PGCKA1: variants seen among roughly 807,000 people sequenced by gnomAD.
PGCKA1 encodes the protein PDCD10 and GCKIII kinases-associated protein 1.
the PGCKA1 span, among the ~76,000 whole-genome samples, chr4:37,572,063 CT>C: frequency 7.2e-3 from 646 of 89,934 alleles, 2 homozygotes; most frequent in African/African-American, 0.029. Context: ...TTTTTTTTTT[CT>C]TTTTTTTTTT....
chr4:37,538,502 C>A, the PGCKA1 span, among the ~76,000 whole-genome samples: 6 of 152,206 alleles, frequency 3.9e-5, no homozygotes, highest in Non-Finnish European at 7.3e-5. Flanking sequence ...CTGGGAAGAG[C>A]TTGTGCTGCA....
At chr4:37,532,516 TA>T in the PGCKA1 span, among the ~76,000 whole-genome samples, 25,802 of 152,214 alleles carry the variant, frequency 0.17, 2,657 homozygotes, top group East Asian at 0.25. Flanking sequence ...TTATTATTTT[TA>T]AAAATACTAT....
the PGCKA1 span, among the ~76,000 whole-genome samples, chr4:37,531,053 CAT>C: frequency 6.6e-6 from 1 of 152,206 alleles, no homozygotes; most frequent in Admixed American, 6.5e-5. Context: ...ACCTGACTGA[CAT>C]ATATGTGTCC....
At chr4:37,570,035 A>C in the PGCKA1 span, among the ~76,000 whole-genome samples, 1 of 141,976 alleles carries the variant, frequency 7.0e-6, no homozygotes, top group Non-Finnish European at 1.5e-5. Context: ...GCTGGAGTAC[A>C]GTGGCGCCAT....
the PGCKA1 span, among the ~76,000 whole-genome samples, chr4:37,541,442 T>C: frequency 6.6e-6 from 1 of 152,214 alleles, no homozygotes; most frequent in South Asian, 2.1e-4. Context: ...GGGACAATGA[T>C]AGACCCTTTA....
At chr4:37,560,696 T>G in the PGCKA1 span, among the ~76,000 whole-genome samples, 1 of 152,078 alleles carries the variant, frequency 6.6e-6, no homozygotes, top group Non-Finnish European at 1.5e-5. Context: ...TCCCTGCATC[T>G]AGAACTGTCT....
the PGCKA1 span, among the ~76,000 whole-genome samples, chr4:37,556,767 C>A: frequency 6.6e-6 from 1 of 152,150 alleles, no homozygotes; most frequent in African/African-American, 2.4e-5. Flanking sequence ...CTTTGCTTTT[C>A]CCTGCTAGAG....
the PGCKA1 span, among the ~76,000 whole-genome samples, chr4:37,534,100 A>G: frequency 6.6e-6 from 1 of 152,340 alleles, no homozygotes; most frequent in African/African-American, 2.4e-5. Flanking sequence ...AGGAAGCAAG[A>G]TGAAATAGGT....
At chr4:37,548,522 T>C in the PGCKA1 span, among the ~76,000 whole-genome samples, 1 of 152,048 alleles carries the variant, frequency 6.6e-6, no homozygotes, top group Non-Finnish European at 1.5e-5. Flanking sequence ...ACCTGCTCTT[T>C]AACAAAAATT....
At chr4:37,556,486 C>A in the PGCKA1 span, among the ~76,000 whole-genome samples, 1 of 152,114 alleles carries the variant, frequency 6.6e-6, no homozygotes, top group Non-Finnish European at 1.5e-5. Context: ...CCAGGCTGGT[C>A]TCGAACTCCT....
the PGCKA1 span, among the ~76,000 whole-genome samples, chr4:37,554,054 T>C: frequency 6.6e-6 from 1 of 152,294 alleles, no homozygotes; most frequent in African/African-American, 2.4e-5. Context: ...TGGGAGGTAA[T>C]TGAATCATGG....
chr4:37,560,379 C>T, the PGCKA1 span, among the ~76,000 whole-genome samples: 5 of 141,598 alleles, frequency 3.5e-5, no homozygotes, highest in African/African-American at 1.4e-4. Flanking sequence ...GACCCAAGCC[C>T]TGTTGCCTTA....
chr4:37,472,431 C>T, the PGCKA1 span, among the ~76,000 whole-genome samples: 1 of 152,184 alleles, frequency 6.6e-6, no homozygotes, highest in East Asian at 1.9e-4. Context: ...TTATTTCTTA[C>T]AAGATAAATA....
the PGCKA1 span, among the ~76,000 whole-genome samples, chr4:37,533,998 C>A: frequency 2.0e-5 from 3 of 152,104 alleles, no homozygotes; most frequent in African/African-American, 4.8e-5. Flanking sequence ...GAAAGGAAAC[C>A]CCGATCAAAG....
the PGCKA1 span, among the ~76,000 whole-genome samples, chr4:37,560,982 C>T: frequency 0.35 from 53,359 of 152,020 alleles, 9,583 homozygotes; most frequent in Non-Finnish European, 0.38. Flanking sequence ...GCCAAGCTCC[C>T]TAAGAGTTCT....
the PGCKA1 span, among the ~76,000 whole-genome samples, chr4:37,562,955 T>C: frequency 1.9e-3 from 287 of 152,314 alleles, no homozygotes; most frequent in African/African-American, 6.5e-3. Context: ...GGGGGGTGTT[T>C]AAGGCCTCTA....
the PGCKA1 span, among the ~76,000 whole-genome samples, chr4:37,478,152 A>ACCCCC: frequency 1.3e-5 from 1 of 78,892 alleles, no homozygotes; most frequent in African/African-American, 3.8e-5. Context: ...ACCCCCCCCC[A>ACCCCC]CCGCCACTTA....
the PGCKA1 span, among the ~76,000 whole-genome samples, chr4:37,576,632 G>A: frequency 6.6e-6 from 1 of 152,114 alleles, no homozygotes; most frequent in Admixed American, 6.5e-5. Flanking sequence ...TAACTGTGAT[G>A]AAAATGGGCA....
At chr4:37,575,073 A>G in the PGCKA1 span, among the ~76,000 whole-genome samples, 1 of 152,174 alleles carries the variant, frequency 6.6e-6, no homozygotes, top group African/African-American at 2.4e-5. Flanking sequence ...GAGTGCAGGT[A>G]TCTCTTCAAT....
Sources: gnomAD v4.1 joint callset for allele counts (sites outside exome capture counted in the v4.1 genomes callset) on GRCh38, gnomAD v4.1.1 for gene constraint, MANE v1.5 for transcripts, NCBI Gene and HGNC (gene_info 2026-07-23, HGNC 2026-07-21) for gene names.